Variants in GRM6 observed in about 807,000 individuals in gnomAD.
The protein encoded by GRM6 is glutamate metabotropic receptor 6, also known as metabotropic glutamate receptor 6.
GRM6 carries 73 observed loss-of-function variants against 78.4 expected under a neutral mutation model. The observed-to-expected ratio is 0.93, with a 90% CI of 0.77 to 1.13. The LOEUF (loss-of-function observed/expected upper bound fraction) is 1.13. GRM6 is among the 50% of genes most tolerant of loss of function. The pLI is 0.00. For synonymous variants in GRM6, 580 were observed against 555.0 expected, an observed-to-expected ratio of 1.05 and a Z score of -0.63; for missense variants, 1,251 against 1,256.4, an observed-to-expected ratio of 1.00 and a Z score of 0.07.
chr5:178,985,030 C>G (rs964068576), intron 9 of GRM6, among the ~76,000 whole-genome samples: 9 of 152,120 alleles, frequency 5.9e-5, no homozygotes, highest in Admixed American at 1.3e-4. Context: ...TTAGGAAAAT[C>G]CCCCAAAGGA....
At chr5:178,984,968 G>T (rs1196520720) in intron 9 of GRM6, among the ~76,000 whole-genome samples, 1 of 152,118 alleles carries the variant, frequency 6.6e-6, no homozygotes, top group Non-Finnish European at 1.5e-5. Flanking sequence ...AAAACATCCA[G>T]GGCGCCCCAG....
intron 9 of GRM6, 55 bp downstream of exon 9, chr5:178,986,075 A>C: frequency 5.2e-6 from 8 of 1,533,558 alleles, no homozygotes; most frequent in Non-Finnish European, 6.2e-6. Flanking sequence ...TTGGCTTTGT[A>C]ACGTTGCGGA....
chr5:178,991,802 C>G lies in GRM6; in HGVS notation c.721+65G>C. The G allele has an allele frequency of 7.2e-7, 1 of 1,397,348 alleles. No homozygotes were observed. Among genetic ancestry groups the G allele is most frequent in the Non-Finnish European group, 1.0e-6 (1 of 991,816 alleles). 86.6% of individuals were successfully genotyped at this position (1,397,348 alleles called of 1,614,324 possible). On this transcript the variant is annotated intron_variant, in intron 3 of 10. Coordinates refer to ENST00000517717, the MANE Select transcript of GRM6 (RefSeq NM_000843.4). The surrounding 1 kb of genome is among the most constrained non-coding windows in gnomAD (Gnocchi z 5.0). ...TGGGCCCCCCATCTTTCTGCTTCTG[C>G]CCCAACTGAGGGCCCCGGGCCCACA...
rs1208832633 is a variant in GRM6, at chr5:178,992,079, G to C, written c.509C>G (p.Pro170Arg). ...VANVLRLFAI[P>R]QISYASTAPE... is the part of the protein sequence containing the mutation. ...GGCTGTGGAGGCATAGCTGATCTGG[G>C]GTATCTGTGGGGCAGGAAGGACAGC... Residue 170 changes from proline (P) to arginine (R), a missense_variant, in exon 3 of 11, where the codon CCC (proline) becomes CGC (arginine). By Grantham distance (103) the Pro-to-Arg change is moderately radical (BLOSUM62 -2). Transcript: ENST00000517717. This position sits in a 1 kb window ranked among gnomAD's most constrained non-coding sequence, Gnocchi z 4.9. The C allele has an allele frequency of 6.2e-7, 1 of 1,611,126 alleles. No individual in the cohort carries two copies. The highest frequency in any genetic ancestry group is 8.5e-7 in the Non-Finnish European group (1 of 1,177,628).
At chr5:178,982,618 T>A (rs1760419173) in intron 10 of GRM6, among the ~76,000 whole-genome samples, 4 of 104,296 alleles carry the variant, frequency 3.8e-5, no homozygotes, top group East Asian at 2.7e-4. Context: ...TATGAAGAAC[T>A]TGAATTAAAA....
At position 178,991,185 on chromosome 5, in the gene GRM6, G is replaced by A. The variant is rs530172869; in HGVS notation, c.857+239C>T. On this transcript the variant is annotated intron_variant, in intron 4 of 10. Coordinates refer to ENST00000517717, the MANE Select transcript of GRM6 (RefSeq NM_000843.4). The surrounding 1 kb of genome is among the most constrained non-coding windows in gnomAD (Gnocchi z 5.0). The stretch of plus-strand genomic sequence containing the variant: ...CACAGGTCCCTCCCCGCACCCCCAG[G>A]AGCTGTAAACACAGACACATGTTCT... 8.5e-5 allele frequency among the ~76,000 whole-genome samples: 13 copies of A among 152,216 alleles called. No individual in the cohort carries two copies. The South Asian group carries it at 2.7e-3, about 32-fold the overall frequency.
chr5:178,985,839 G>A (rs1228231922), intron 9 of GRM6: 1 of 540,658 alleles, frequency 1.8e-6, no homozygotes, highest in Non-Finnish European at 3.4e-6. Flanking sequence ...TTGGCTCACA[G>A]CAACCTTCAA....
In GRM6 at chr5:178,992,575, T is replaced by C. The variant is rs58309491; in HGVS notation, c.505-492A>G. 822 of 294,922 alleles carry C rather than the reference T, an allele frequency of 2.8e-3. 8 individuals are homozygous for C. The highest frequency in any genetic ancestry group is 0.017 in the African/African-American group (770 of 46,022). 18.3% of individuals were successfully genotyped at this position (294,922 alleles called of 1,614,324 possible). On this transcript the variant is annotated intron_variant, in intron 2 of 10. Coordinates refer to ENST00000517717, the MANE Select transcript of GRM6 (RefSeq NM_000843.4). The surrounding 1 kb of genome is among the most constrained non-coding windows in gnomAD (Gnocchi z 4.9). ...GTTCCATTTAAAGCTGTGTCTGGCC[T>C]AGGATGGGGATTGTTGGAAACTGGG...
At chr5:178,990,220 G>A (rs1760645905) in intron 5 of GRM6, 2 of 316,264 alleles carry the variant, frequency 6.3e-6, no homozygotes, top group Non-Finnish European at 1.2e-5. Flanking sequence ...AGGACTGGGG[G>A]TGCAGGGGCC....
chr5:178,982,924 G>A lies in GRM6; in HGVS notation c.2422C>T (p.Gln808Ter), dbSNP rs2113314326. The A allele has an allele frequency of 6.2e-7, 1 of 1,613,354 alleles. No homozygotes were observed. Among genetic ancestry groups the A allele is most frequent in the South Asian group, 1.1e-5 (1 of 91,068 alleles). The change falls in exon 10 of 11, where the codon CAG becomes TAG. Residue 808 changes from glutamine to a stop codon, truncating the protein, a stop_gained. Transcript: ENST00000517717. LOFTEE classifies it high-confidence loss of function. ...AFVPIFFGTA[Q>*]SAEKIYIQTT... ...GACCTCATTACCTTTTCAGCTGACT[G>A]GGCAGTGCCAAAGAAGATGGGCACG...
rs761284921 is a variant in GRM6, at chr5:178,986,165, G to A, written c.2089C>T (p.Gln697Ter). Residue 697 changes from glutamine (Q) to a stop codon, truncating the protein, a stop_gained, in exon 9 of 11, where the codon CAG becomes TAG. Transcript: ENST00000517717. LOFTEE classifies it high-confidence loss of function. ...TPPPFISPTSQLVITFSLTSL... is the reference protein window; with the variant it reads ...TPPPFISPTS ...GTGAGGCTGAAGGTGATGACCAGCT[G>A]TGAGGTGGGGCTGATGAAGGGAGGG... is the stretch of plus-strand genomic sequence containing the variant. 1.9e-6 allele frequency: 3 copies of A among 1,613,928 alleles called. No individual in the cohort carries two copies. The highest frequency in any genetic ancestry group is 1.1e-5 in the South Asian group (1 of 91,062).
intron 10 of GRM6, among the ~76,000 whole-genome samples, chr5:178,982,576 C>CAAAAAAAAAAAAAA: frequency 5.0e-5 from 1 of 20,168 alleles, no homozygotes; most frequent in Non-Finnish European, 7.7e-5. Flanking sequence ...GACTCTGTCT[C>CAAAAAAAAAAAAAA]AAAAAAAAAA....
chr5:178,987,416 C>CACTG, intron 7 of GRM6: 1 of 459,174 alleles, frequency 2.2e-6, no homozygotes, highest in South Asian at 1.5e-5. Flanking sequence ...CCCGAGCGTC[C>CACTG]ACTGACAGAA....
chr5:178,995,003 G>C (rs1047200281), intron 1 of GRM6, 43 bp from the exon 2 acceptor site: 2 of 1,052,096 alleles, frequency 1.9e-6, no homozygotes, highest in African/African-American at 1.7e-5. Context: ...GAGGGCGGGG[G>C]AAGGAGAGCG....
Position 178,985,201 on chromosome 5 carries a change from C to T in GRM6, c.2124+929G>A, listed in dbSNP as rs567878685. The T allele has an allele frequency of 9.3e-4, 422 of 451,624 alleles. 6 individuals carry two copies. Among genetic ancestry groups the T allele is most frequent in the South Asian group, 6.5e-3 (411 of 63,610 alleles). 28.0% of individuals were successfully genotyped at this position (451,624 alleles called of 1,614,324 possible). On this transcript the variant is annotated intron_variant, in intron 9 of 10. Coordinates refer to ENST00000517717, the MANE Select transcript of GRM6 (RefSeq NM_000843.4). ...AAACAGGAAAACCGGTCAGATAGCT[C>T]TTTGACCTGTTTCCATATGTGAGCC...
Position 178,994,699 on chromosome 5 carries a change from G to T in GRM6, c.246C>A (p.Asp82Glu). 1 of 1,469,100 alleles carries T rather than the reference G, an allele frequency of 6.8e-7. No homozygotes were observed. Among genetic ancestry groups the T allele is most frequent in the Middle Eastern group, 2.3e-4 (1 of 4,376 alleles). 91.0% of individuals were successfully genotyped at this position (1,469,100 alleles called of 1,614,324 possible). The change falls in exon 2 of 11, where the codon GAC becomes GAA. Residue 82 changes from aspartate to glutamate, a missense_variant. Transcript: ENST00000517717. ...GGCGCACGCCGGGCAGCAGCTCGGGGTCGGCGTTGACGCGGTCCAGCGCGT... is the reference window on the plus strand; with the variant it reads ...GGCGCACGCCGGGCAGCAGCTCGGGTTCGGCGTTGACGCGGTCCAGCGCGT... ...MLYALDRVNA[D>E]PELLPGVRLG...
Position 178,986,447 on chromosome 5 carries a change from C to T in GRM6, c.1807G>A (p.Val603Met), listed in dbSNP as rs768289712. Residue 603 changes from valine to methionine, a missense_variant, in exon 9 of 11, where the codon GTG (valine) becomes ATG (methionine). Coordinates refer to ENST00000517717, the MANE Select transcript of GRM6 (RefSeq NM_000843.4). ...TTGTACCGCACGAAGGTGGCCACCA[C>T]CGTGGTAGTGGCCACGATGCCCAGC... The part of the protein sequence containing the change: ...AVLGIVATTT[V>M]VATFVRYNNT... The T allele has an allele frequency of 6.2e-7, 1 of 1,613,218 alleles. No individual in the cohort carries two copies. Among genetic ancestry groups the T allele is most frequent in the East Asian group, 2.2e-5 (1 of 44,856 alleles).
intron 9 of GRM6, among the ~76,000 whole-genome samples, chr5:178,984,974 C>G (rs1760481699): frequency 6.6e-6 from 1 of 152,110 alleles, no homozygotes; most frequent in South Asian, 2.1e-4. Context: ...TCCAGGGCGC[C>G]CCAGACTCCA....
chr5:178,990,582 CT>C lies in GRM6; in HGVS notation c.1012+9del, dbSNP rs373852573. ...GTGTGGGGTGGGGGATGGAGTGCCC[CT>C]GGACTCACCGTCGATGGAGGCCCTT... On this transcript the variant is annotated intron_variant, in intron 5 of 10. Transcript: ENST00000517717. The C allele has an allele frequency of 3.3e-4, 532 of 1,610,184 alleles. 1 individual carries two copies. In the African/African-American group the frequency reaches 6.3e-3, roughly 19 times the overall value.
Sources: allele counts gnomAD v4.1 joint callset (sites outside exome capture counted in the v4.1 genomes callset), GRCh38; gene constraint gnomAD v4.1.1; non-coding constraint Gnocchi (gnomAD v3.1); transcripts MANE v1.5; gene names NCBI Gene and HGNC (gene_info 2026-07-23, HGNC 2026-07-21).